KIT: variants seen among roughly 807,000 people sequenced by gnomAD.
KIT encodes the protein KIT proto-oncogene, receptor tyrosine kinase, also known as mast/stem cell growth factor receptor Kit.
Under a neutral mutation model 105.7 loss-of-function variants are expected in KIT, and 16 were observed. That is an observed-to-expected ratio of 0.15 (90% CI 0.10 to 0.23). The LOEUF (loss-of-function observed/expected upper bound fraction) is 0.23, where lower values mean the gene tolerates loss of function less well. Among genes scored for constraint, KIT ranks in the 10% least tolerant of loss-of-function variants. The pLI is 1.00. For missense variants in KIT, 858 were observed against 1,213.8 expected, an observed-to-expected ratio of 0.71 and a Z score of 4.36; for synonymous variants, 438 against 441.1, an observed-to-expected ratio of 0.99 and a Z score of 0.09.
Position 54,715,368 on chromosome 4 carries a change from TAAA to T in KIT, c.1231+5845_1231+5847del, listed in dbSNP as rs34247930. On this transcript the variant is annotated intron_variant, in intron 7 of 20. Transcript: ENST00000288135. ...ACTATCAGTGCATTTGTGTTGCTGT[TAAA>T]AAAAAAAAAAAAAAATGCCCGGGGC... Among the ~76,000 whole-genome samples the T allele has an allele frequency of 6.5e-3, 935 of 142,808 alleles. 10 individuals are homozygous for T. The highest frequency in any genetic ancestry group is 0.023 in the African/African-American group (877 of 38,782). 93.7% of individuals were successfully genotyped at this position (142,808 alleles called of 152,430 possible).
chr4:54,682,454 A>G (rs1486175113), intron 1 of KIT, among the ~76,000 whole-genome samples: 2 of 149,362 alleles, frequency 1.3e-5, no homozygotes, highest in South Asian at 4.3e-4. Flanking sequence ...TTTGAGGTGG[A>G]GTCTTGCTCT....
chr4:54,659,889 C>T (rs1717119477), intron 1 of KIT, among the ~76,000 whole-genome samples: 1 of 151,994 alleles, frequency 6.6e-6, no homozygotes, highest in Non-Finnish European at 1.5e-5. Flanking sequence ...CCTGGGGGGG[C>T]AGTGTGGTGT....
intron 1 of KIT, among the ~76,000 whole-genome samples, chr4:54,671,329 A>C (rs1208771979): frequency 6.6e-6 from 1 of 152,154 alleles, no homozygotes; most frequent in Non-Finnish European, 1.5e-5. Flanking sequence ...AAGGAATCCA[A>C]GATAAAGGCT....
At chr4:54,676,257 A>C (rs1718460449) in intron 1 of KIT, among the ~76,000 whole-genome samples, 1 of 150,472 alleles carries the variant, frequency 6.6e-6, no homozygotes, top group Non-Finnish European at 1.5e-5. Context: ...GAACCTGCTG[A>C]GTTGGAAACT....
At chr4:54,687,118 T>A (rs1242036828) in intron 1 of KIT, among the ~76,000 whole-genome samples, 1 of 152,182 alleles carries the variant, frequency 6.6e-6, no homozygotes, top group African/African-American at 2.4e-5. Context: ...TTACAATATG[T>A]AAAACAATAT....
Position 54,727,333 on chromosome 4 carries a change from T to G in KIT, c.1647+9T>G. On this transcript the variant is annotated intron_variant, in intron 10 of 20. Coordinates refer to ENST00000288135, the MANE Select transcript of KIT (RefSeq NM_000222.3). ...CCTACAAATATTTACAGGTAACCAT[T>G]TATTTGTTCTCTCTCCAGAGTGCTC... 1 of 1,613,416 alleles carries G rather than the reference T, an allele frequency of 6.2e-7. No individual in the cohort carries two copies. The highest frequency in any genetic ancestry group is 2.2e-5 in the East Asian group (1 of 44,884).
chr4:54,698,806 C>A (rs1168049599), intron 3 of KIT, among the ~76,000 whole-genome samples: 1 of 152,354 alleles, frequency 6.6e-6, no homozygotes. Context: ...GGCATTTAGA[C>A]TGGACTGACT....
chr4:54,688,424 G>A (rs967898785), intron 1 of KIT, among the ~76,000 whole-genome samples: 4 of 151,672 alleles, frequency 2.6e-5, no homozygotes, highest in African/African-American at 9.7e-5. Flanking sequence ...CCCAAAACTA[G>A]AATAGGCCTA....
At chr4:54,709,802 G>A (rs1034073339) in intron 7 of KIT, among the ~76,000 whole-genome samples, 2 of 152,178 alleles carry the variant, frequency 1.3e-5, no homozygotes, top group African/African-American at 4.8e-5. Context: ...AGCCAAACAA[G>A]TTGAACATAC....
rs1348501567 is a variant in KIT at position 54,736,716 on chromosome 4, C to G, written c.2597-5C>G. The G allele has an allele frequency of 1.9e-6, 3 of 1,613,288 alleles. No individual in the cohort carries two copies. Among genetic ancestry groups the G allele is most frequent in the Non-Finnish European group, 2.5e-6 (3 of 1,179,316 alleles). ...ATTAACACTGCTTTGCAAACTGTGT[C>G]TCAGGAAGCAGCCCCTATCCTGGAA... On this transcript the variant is annotated splice_polypyrimidine_tract_variant and splice_region_variant and intron_variant, in intron 18 of 20. Transcript: ENST00000288135.
At chr4:54,710,918 CTG>C (rs1721116501) in intron 7 of KIT, among the ~76,000 whole-genome samples, 1 of 152,196 alleles carries the variant, frequency 6.6e-6, no homozygotes, top group East Asian at 1.9e-4. Flanking sequence ...GAGCCAGCAT[CTG>C]TCTCTGTCAC....
chr4:54,684,287 C>T (rs1285085522), intron 1 of KIT, among the ~76,000 whole-genome samples: 3 of 152,066 alleles, frequency 2.0e-5, no homozygotes, highest in South Asian at 4.1e-4. Context: ...GGAAACACTT[C>T]GTCTCACATG....
intron 6 of KIT, 40 bp downstream of exon 6, chr4:54,707,327 C>T (rs753475667): frequency 7.2e-7 from 1 of 1,382,788 alleles, no homozygotes; most frequent in South Asian, 1.2e-5. Context: ...ACACATTACC[C>T]CCTTTTCCAG....
chr4:54,703,504 C>G (rs866602271), intron 4 of KIT, among the ~76,000 whole-genome samples: 1 of 151,838 alleles, frequency 6.6e-6, no homozygotes, highest in African/African-American at 2.4e-5. Flanking sequence ...CGTTTTTTTC[C>G]CAATCGTTAA....
intron 1 of KIT, among the ~76,000 whole-genome samples, chr4:54,669,674 A>T (rs953497764): frequency 6.6e-6 from 1 of 150,624 alleles, no homozygotes; most frequent in African/African-American, 2.4e-5. Context: ...TTTTCTCTCC[A>T]GGAGAGAGAA....
chr4:54,727,764 G>A, intron 11 of KIT, 59 bp from the exon 12 acceptor site: 1 of 1,400,820 alleles, frequency 7.1e-7, no homozygotes, highest in East Asian at 2.3e-5. Flanking sequence ...TGCACAAATG[G>A]TCCTTCAATT....
intron 7 of KIT, among the ~76,000 whole-genome samples, chr4:54,721,828 G>A (rs908407503): frequency 9.2e-5 from 14 of 152,068 alleles, no homozygotes; most frequent in Non-Finnish European, 2.9e-5. Flanking sequence ...AATTCCCTGC[G>A]CATTGGGTTA....
At chr4:54,669,705 G>GAAAAAAAAAAAAAA (rs10603436) in intron 1 of KIT, among the ~76,000 whole-genome samples, 1 of 132,758 alleles carries the variant, frequency 7.5e-6, no homozygotes, top group African/African-American at 2.7e-5. Flanking sequence ...GTCCAGAAAG[G>GAAAAAAAAAAAAAA]AAAAAAAAAA....
At chr4:54,735,913 A>C (rs2109809198) in intron 17 of KIT, among the ~76,000 whole-genome samples, 1 of 152,206 alleles carries the variant, frequency 6.6e-6, no homozygotes, top group East Asian at 1.9e-4. Flanking sequence ...CCATGGTCCA[A>C]GATGACCACC....
Sources: allele counts gnomAD v4.1 joint callset (sites outside exome capture counted in the v4.1 genomes callset), GRCh38; gene constraint gnomAD v4.1.1; transcripts MANE v1.5; gene names NCBI Gene and HGNC (gene_info 2026-07-23, HGNC 2026-07-21).